Variants in ATP9B observed in about 807,000 individuals in gnomAD.
The protein encoded by ATP9B is probable phospholipid-transporting ATPase IIB.
A neutral mutation model predicts 146.1 loss-of-function variants in ATP9B; 110 were observed. The ratio of observed to expected loss-of-function variants is 0.75; its 90% confidence interval spans 0.65 to 0.88. The LOEUF is 0.88. ATP9B is among the 40% of genes least tolerant of loss of function. The pLI, the probability that ATP9B is intolerant of heterozygous loss-of-function variation, is 0.00. For synonymous variants in ATP9B, 604 were observed against 569.7 expected (o/e 1.06, Z -0.86); for missense variants, 1,499 against 1,496.4 (o/e 1.00, Z -0.03).
At chr18:79,113,068 A>G (rs1300104357) in intron 3 of ATP9B, among the ~76,000 whole-genome samples, 173 bp from the exon 4 acceptor site, 1 of 152,190 alleles carries the variant, frequency 6.6e-6, no homozygotes, top group African/African-American at 2.4e-5. Context: ...TTTCTTTGTG[A>G]TACAGCTATT....
In ATP9B at chr18:79,184,024, A is replaced by C. The variant is rs879434377; in HGVS notation, c.873+7117A>C. Among the ~76,000 whole-genome samples the C allele has an allele frequency of 6.6e-5, 10 of 152,260 alleles. No homozygotes were observed. In the South Asian group the frequency reaches 8.3e-4, roughly 13 times the overall value. On this transcript the variant is annotated intron_variant, in intron 8 of 29. Transcript: ENST00000426216. Reference sequence around the variant, plus strand: ...CTTCTGGCCTTATAATATCTTCGCTATGTAAATATTTCAAATTTTATTTAG... The same window carrying C: ...CTTCTGGCCTTATAATATCTTCGCTCTGTAAATATTTCAAATTTTATTTAG...
intron 7 of ATP9B, among the ~76,000 whole-genome samples, chr18:79,163,986 A>G (rs1447137660): frequency 6.6e-6 from 1 of 152,000 alleles, no homozygotes; most frequent in Non-Finnish European, 1.5e-5. Flanking sequence ...TGGCTTAATC[A>G]TAGCTCACTG....
At chr18:79,309,431 G>T (rs1420597405) in intron 15 of ATP9B, among the ~76,000 whole-genome samples, 75 of 132,064 alleles carry the variant, frequency 5.7e-4, no homozygotes, top group Middle Eastern at 4.8e-3. Flanking sequence ...GGTCAGGGGT[G>T]GAGGAGTGAT....
chr18:79,327,525 T>C (rs1350265486), intron 15 of ATP9B, among the ~76,000 whole-genome samples: 38 of 136,014 alleles, frequency 2.8e-4, no homozygotes, highest in African/African-American at 7.7e-4. Context: ...GTTAGCGTGC[T>C]CTCCGTGGTT....
intron 10 of ATP9B, among the ~76,000 whole-genome samples, chr18:79,207,333 C>G (rs1339239742): frequency 6.6e-6 from 1 of 152,170 alleles, no homozygotes; most frequent in Non-Finnish European, 1.5e-5. Flanking sequence ...TGAGAGGCAC[C>G]ACAGAAGAGC....
intron 26 of ATP9B, among the ~76,000 whole-genome samples, chr18:79,371,370 TAAAAAAAAA>T (rs59110010): frequency 6.1e-4 from 60 of 98,116 alleles, no homozygotes; most frequent in African/African-American, 2.0e-3. Context: ...GACTCCGTCT[TAAAAAAAAA>T]AAAAAAAAAA....
intron 8 of ATP9B, among the ~76,000 whole-genome samples, chr18:79,177,895 A>G (rs1446427222): frequency 6.6e-6 from 1 of 152,086 alleles, no homozygotes; most frequent in African/African-American, 2.4e-5. Context: ...TCAGTGTTCT[A>G]TGATTGTTTA....
chr18:79,338,204 C>A (rs186096292), intron 19 of ATP9B, among the ~76,000 whole-genome samples: 2 of 152,370 alleles, frequency 1.3e-5, no homozygotes, highest in Admixed American at 1.3e-4. Flanking sequence ...AAACTCAGCA[C>A]AAAAGGACAC....
chr18:79,131,076 G>A (rs940288795), intron 5 of ATP9B, among the ~76,000 whole-genome samples: 5 of 152,106 alleles, frequency 3.3e-5, no homozygotes, highest in Non-Finnish European at 5.9e-5. Flanking sequence ...CAGGAGAATC[G>A]CTTGAACCTG....
At chr18:79,299,058 C>G (rs1386850830) in intron 13 of ATP9B, among the ~76,000 whole-genome samples, 3 of 152,230 alleles carry the variant, frequency 2.0e-5, no homozygotes, top group Non-Finnish European at 4.4e-5. Flanking sequence ...CTCTTCCTTT[C>G]TGTCTTGATG....
At chr18:79,073,895 C>A (rs564684557) in intron 1 of ATP9B, among the ~76,000 whole-genome samples, 2 of 152,134 alleles carry the variant, frequency 1.3e-5, no homozygotes, top group African/African-American at 4.8e-5. Context: ...AGCTCAGTGT[C>A]GGTGTCATGT....
intron 11 of ATP9B, among the ~76,000 whole-genome samples, chr18:79,246,994 A>T (rs1397987023): frequency 6.6e-6 from 1 of 152,232 alleles, no homozygotes; most frequent in Non-Finnish European, 1.5e-5. Flanking sequence ...GTAGAGCAAA[A>T]ATTAAATTTC....
chr18:79,124,587 GA>G (rs1399474363), intron 4 of ATP9B, among the ~76,000 whole-genome samples: 5 of 152,212 alleles, frequency 3.3e-5, no homozygotes, highest in Admixed American at 6.5e-5. Context: ...CAACCCCTGG[GA>G]ATACACTGGC....
intron 1 of ATP9B, chr18:79,077,990 A>G (rs1315467938): frequency 6.6e-6 from 1 of 152,212 alleles, no homozygotes; most frequent in African/African-American, 2.4e-5. Context: ...AGGAACGAGC[A>G]TCCGGCACCC....
intron 12 of ATP9B, among the ~76,000 whole-genome samples, chr18:79,263,120 C>A (rs2096162039): frequency 6.6e-6 from 1 of 152,064 alleles, no homozygotes; most frequent in African/African-American, 2.4e-5. Flanking sequence ...TTATGAGATA[C>A]AATGTAATGT....
intron 7 of ATP9B, among the ~76,000 whole-genome samples, chr18:79,170,162 C>T (rs951882511): frequency 3.3e-5 from 5 of 152,152 alleles, no homozygotes; most frequent in South Asian, 2.1e-4. Flanking sequence ...TGCAGCCGGC[C>T]GGTAACTTTC....
At chr18:79,372,903 T>G (rs1218727423) in intron 27 of ATP9B, 21 bp downstream of exon 27, 1 of 1,555,202 alleles carries the variant, frequency 6.4e-7, no homozygotes, top group Admixed American at 1.7e-5. Flanking sequence ...ATCCTTAGTT[T>G]ACTGGACTAA....
At chr18:79,296,308 G>A (rs2096547298) in intron 13 of ATP9B, among the ~76,000 whole-genome samples, 1 of 152,248 alleles carries the variant, frequency 6.6e-6, no homozygotes, top group Non-Finnish European at 1.5e-5. Context: ...GAGCCACCAT[G>A]TTACTGCAGC....
In ATP9B at chr18:79,373,851, C is replaced by T. The variant is rs756004523; in HGVS notation, c.3071-47C>T. 9 of 1,599,198 alleles carry T rather than the reference C, an allele frequency of 5.6e-6. No homozygotes were observed. In the Admixed American group the frequency reaches 6.7e-5, roughly 12 times the overall value. ...GTTCAAGGCTGTTTCCTCTAGCTGG[C>T]TTACACCCTGCTCGTGTGCATGGAA... On this transcript the variant is annotated intron_variant, in intron 27 of 29. Coordinates refer to ENST00000426216, the MANE Select transcript of ATP9B (RefSeq NM_198531.5).
Sources: allele counts gnomAD v4.1 joint callset (sites outside exome capture counted in the v4.1 genomes callset), GRCh38; gene constraint gnomAD v4.1.1; transcripts MANE v1.5; gene names NCBI Gene and HGNC (gene_info 2026-07-23, HGNC 2026-07-21).